The following TUBGCP5 variants were observed in gnomAD, a reference collection of about 807,000 sequenced individuals.
TUBGCP5 encodes the protein gamma-tubulin complex component 5.
TUBGCP5 carries 98 observed loss-of-function variants against 134.7 expected under a neutral mutation model. That is an observed-to-expected ratio of 0.73 (90% confidence interval 0.62 to 0.86). TUBGCP5 has a LOEUF of 0.86. TUBGCP5 is among the 40% of genes least tolerant of loss of function. The pLI, the probability that TUBGCP5 is intolerant of heterozygous loss-of-function variation, is 0.00. For synonymous variants in TUBGCP5, 456 were observed against 431.4 expected (o/e 1.06, Z -0.71); for missense variants, 1,150 against 1,244.8 (o/e 0.92, Z 1.15).
chr15:22,997,607 AT>A (rs200532351), downstream of TUBGCP5, among the ~76,000 whole-genome samples: 722 of 150,582 alleles, frequency 4.8e-3, 7 homozygotes, highest in African/African-American at 0.016. Context: ...TAGCTTTCAT[AT>A]TTTTTTTCTT....
At chr15:22,988,250 T>G (rs2063738463) in intron 23 of TUBGCP5, among the ~76,000 whole-genome samples, 1 of 151,776 alleles carries the variant, frequency 6.6e-6, no homozygotes, top group South Asian at 2.1e-4. Flanking sequence ...CATGAGACAC[T>G]GAGAGCAGAC....
intron 12 of TUBGCP5, 90 bp downstream of exon 12, chr15:23,019,129 C>T: frequency 1.1e-6 from 1 of 881,208 alleles, no homozygotes; most frequent in South Asian, 1.6e-5. Flanking sequence ...TTTCTCAGTA[C>T]TGTCTGAAAC....
intron 16 of TUBGCP5, among the ~76,000 whole-genome samples, chr15:23,006,762 A>G (rs1208237730): frequency 1.3e-5 from 2 of 152,144 alleles, no homozygotes; most frequent in Non-Finnish European, 2.9e-5. Context: ...AGCCCCATCG[A>G]GATGGGATGG....
At position 23,032,160 on chromosome 15, in the gene TUBGCP5, T is replaced by C. The variant is rs191440346; in HGVS notation, c.407-131A>G. The C allele has an allele frequency of 1.5e-5, 9 of 602,836 alleles. No homozygotes were observed. In the East Asian group the frequency reaches 2.6e-4, roughly 17 times the overall value. The allele number at this position is 602,836 out of a possible 1,614,324, so 37.3% of individuals were successfully genotyped here. ...TAAAAATTTAAAAATATTGAAACATTTAATAAATTGATATCCTAAAACATT... is the reference window on the plus strand; with the variant it reads ...TAAAAATTTAAAAATATTGAAACATCTAATAAATTGATATCCTAAAACATT... On this transcript the variant is annotated intron_variant, in intron 4 of 22. Coordinates refer to ENST00000615383, the MANE Select transcript of TUBGCP5 (RefSeq NM_052903.6).
At chr15:22,984,270 A>G (rs1272539980) in intron 23 of TUBGCP5, among the ~76,000 whole-genome samples, 2 of 152,238 alleles carry the variant, frequency 1.3e-5, no homozygotes, top group Non-Finnish European at 2.9e-5. Flanking sequence ...TTAAGTACAC[A>G]TTATTTGGTC....
At chr15:23,001,748 A>G (rs547936142) in intron 21 of TUBGCP5, among the ~76,000 whole-genome samples, 3 of 151,762 alleles carry the variant, frequency 2.0e-5, no homozygotes, top group Admixed American at 6.6e-5. Flanking sequence ...CAGGTGCCAC[A>G]TGCCAAGCTT....
At position 23,035,126 on chromosome 15, in the gene TUBGCP5, G is replaced by A. The variant is rs539510114; in HGVS notation, c.309+1771C>T. Among the ~76,000 whole-genome samples, 213 of 151,998 alleles carry A rather than the reference G, an allele frequency of 1.4e-3. 1 individual carries two copies. Among genetic ancestry groups the A allele is most frequent in the African/African-American group, 4.4e-3 (184 of 41,464 alleles). ...GTGGATTGCTTGAGGTCAAGAGTTCGGGACCAGCCTGGCCAACATGGTGAA... is the reference window on the plus strand; with the variant it reads ...GTGGATTGCTTGAGGTCAAGAGTTCAGGACCAGCCTGGCCAACATGGTGAA... On this transcript the variant is annotated intron_variant, in intron 3 of 22. Coordinates refer to ENST00000615383, the MANE Select transcript of TUBGCP5 (RefSeq NM_052903.6).
In TUBGCP5 at chr15:23,008,782, T is replaced by G; in HGVS notation, c.2244A>C (p.Glu748Asp). 6.2e-7 allele frequency: 1 copy of G among 1,606,354 alleles called. No homozygotes were observed. The highest frequency in any genetic ancestry group is 8.5e-7 in the Non-Finnish European group (1 of 1,178,292). ...AAGACACATTCTGCCATGTTTCCTTTTCTCTTATTTTATCAAAAATTGACG... is the reference window on the plus strand; with the variant it reads ...AAGACACATTCTGCCATGTTTCCTTGTCTCTTATTTTATCAAAAATTGACG... Reference protein sequence around the residue: ...FYTSIFDKIREKETWQNVSFL... With the variant: ...FYTSIFDKIRDKETWQNVSFL... The change falls in exon 16 of 23, where the codon GAA becomes GAC. Residue 748 changes from glutamate to aspartate, a missense_variant. Transcript: ENST00000615383.
In TUBGCP5 at chr15:23,027,651, C is replaced by T. The variant is rs776586148; in HGVS notation, c.623-345G>A. On this transcript the variant is annotated intron_variant, in intron 6 of 22. Coordinates refer to ENST00000615383, the MANE Select transcript of TUBGCP5 (RefSeq NM_052903.6). ...TGTGCTTGTTCTCGGGAGGCTGACA[C>T]GAGAGGGGACTGGTTGAGCCAAGAG... is the stretch of plus-strand genomic sequence containing the variant. Among the ~76,000 whole-genome samples the T allele has an allele frequency of 4.0e-5, 6 of 151,748 alleles. 1 individual carries two copies. In the South Asian group the frequency reaches 6.3e-4, roughly 16 times the overall value.
intron 11 of TUBGCP5, 95 bp from the exon 12 acceptor site, chr15:23,019,429 G>T: frequency 1.3e-6 from 1 of 772,480 alleles, no homozygotes; most frequent in South Asian, 1.6e-5. Flanking sequence ...TTAAAAAAGT[G>T]ATCGGATTTC....
chr15:23,030,871 A>G lies in TUBGCP5; in HGVS notation c.622+14T>C, dbSNP rs750267173. The G allele has an allele frequency of 1.2e-6, 2 of 1,607,140 alleles. No homozygotes were observed. Among genetic ancestry groups the G allele is most frequent in the Non-Finnish European group, 1.7e-6 (2 of 1,178,514 alleles). On this transcript the variant is annotated intron_variant, in intron 6 of 22. Coordinates refer to ENST00000615383, the MANE Select transcript of TUBGCP5 (RefSeq NM_052903.6). Reference sequence around the variant, plus strand: ...GTCTATTAGAAAATGCGAGCACCTCATAACACATAATACCTTTCCAACTGA... The same window carrying G: ...GTCTATTAGAAAATGCGAGCACCTCGTAACACATAATACCTTTCCAACTGA...
At chr15:22,992,306 G>A (rs2063868645) in intron 23 of TUBGCP5, among the ~76,000 whole-genome samples, 2 of 152,136 alleles carry the variant, frequency 1.3e-5, no homozygotes, top group Admixed American at 6.6e-5. Context: ...AACTGACGCA[G>A]GTTTAGGTCC....
Position 23,005,490 on chromosome 15 carries a change from A to G in TUBGCP5, c.2654T>C (p.Leu885Pro). 1 of 1,614,168 alleles carries G rather than the reference A, an allele frequency of 6.2e-7. No individual in the cohort carries two copies. The highest frequency in any genetic ancestry group is 8.5e-7 in the Non-Finnish European group (1 of 1,180,034). ...PVRQQIHRMF[L>P]LRVKLMHFVN... ...GAAATGCATGAGCTTCACTCTTAAG[A>G]GGAACATGCGATGAATCTGCTGTCT... The change falls in exon 19 of 23, where the codon CTC (leucine) becomes CCC (proline). Residue 885 changes from leucine (L) to proline (P), a missense_variant. Transcript: ENST00000615383.
intron 7 of TUBGCP5, among the ~76,000 whole-genome samples, chr15:23,026,972 A>T (rs1203802373): frequency 6.6e-6 from 1 of 152,098 alleles, no homozygotes; most frequent in Non-Finnish European, 1.5e-5. Context: ...AAAATAAAAA[A>T]TTAGTTGAGT....
At chr15:22,998,384 C>T (rs919184463), downstream of TUBGCP5, among the ~76,000 whole-genome samples, 2 of 152,194 alleles carry the variant, frequency 1.3e-5, no homozygotes, top group African/African-American at 4.8e-5. Context: ...TGGCCTTTTA[C>T]ATTTATCGCT....
chr15:22,991,103 CTTT>C (rs71414253), intron 23 of TUBGCP5, among the ~76,000 whole-genome samples: 10 of 148,724 alleles, frequency 6.7e-5, no homozygotes, highest in African/African-American at 1.7e-4. Context: ...TAATAAATTA[CTTT>C]TTTTTTTTTT....
chr15:22,996,169 G>T (rs77934360), downstream of TUBGCP5, among the ~76,000 whole-genome samples: 619 of 152,320 alleles, frequency 4.1e-3, 6 homozygotes, highest in African/African-American at 0.014. Flanking sequence ...GTTAACCTTT[G>T]TAAGAAAATG....
intron 11 of TUBGCP5, among the ~76,000 whole-genome samples, chr15:23,019,945 T>A (rs1019298918): frequency 5.3e-5 from 8 of 151,952 alleles, no homozygotes; most frequent in African/African-American, 1.9e-4. Flanking sequence ...GAACAAGGTT[T>A]CCCTATCTAA....
chr15:23,037,009 AAATAT>A lies in TUBGCP5; in HGVS notation c.201-9_201-5del. The A allele has an allele frequency of 6.3e-7, 1 of 1,592,988 alleles. No homozygotes were observed. The highest frequency in any genetic ancestry group is 8.5e-7 in the Non-Finnish European group (1 of 1,170,766). ...AATGACAAATTTTTCATAAATTCTAAAATATAAGAAAAGATTATAAAGCTATCTTA... is the reference window on the plus strand; with the variant it reads ...AATGACAAATTTTTCATAAATTCTAAAAGAAAAGATTATAAAGCTATCTTA... On this transcript the variant is annotated splice_region_variant and splice_polypyrimidine_tract_variant and intron_variant, in intron 2 of 22. Coordinates refer to ENST00000615383, the MANE Select transcript of TUBGCP5 (RefSeq NM_052903.6).
Sources: gnomAD v4.1 joint callset for allele counts (sites outside exome capture counted in the v4.1 genomes callset) on GRCh38, gnomAD v4.1.1 for gene constraint, MANE v1.5 for transcripts, NCBI Gene and HGNC (gene_info 2026-07-23, HGNC 2026-07-21) for gene names.